DAB1: variants seen among roughly 807,000 people sequenced by gnomAD.
The protein encoded by DAB1 is disabled homolog 1.
A neutral mutation model predicts 64.6 loss-of-function variants in DAB1; 15 were observed. The ratio of observed to expected loss-of-function variants is 0.23; its 90% CI spans 0.16 to 0.36. The LOEUF is 0.36. Ranked by LOEUF, DAB1 falls within the 10% of genes least tolerant of loss-of-function variation. DAB1 has a pLI of 1.00. For synonymous variants in DAB1, 235 were observed against 251.9 expected (o/e 0.93, Z 0.64); for missense variants, 596 against 706.7 (o/e 0.84, Z 1.78).
intron 3 of DAB1, among the ~76,000 whole-genome samples, chr1:58,390,776 T>C (rs1362586002): frequency 2.0e-5 from 3 of 152,178 alleles, no homozygotes; most frequent in Non-Finnish European, 4.4e-5. Flanking sequence ...TTTCTATTGT[T>C]CCTACTTTAT....
At chr1:57,468,940 C>T (rs1209251648) in intron 7 of DAB1, among the ~76,000 whole-genome samples, 1 of 152,178 alleles carries the variant, frequency 6.6e-6, no homozygotes, top group East Asian at 1.9e-4. Flanking sequence ...ATAAGGTCTC[C>T]TGCTCCTGCA....
chr1:57,914,760 T>TA (rs1272207156), intron 5 of DAB1, among the ~76,000 whole-genome samples: 1 of 152,290 alleles, frequency 6.6e-6, no homozygotes. Flanking sequence ...GGTGAATTTG[T>TA]AAAAAATCCA....
intron 6 of DAB1, among the ~76,000 whole-genome samples, chr1:57,794,756 A>G (rs1292440421): frequency 6.6e-6 from 1 of 152,204 alleles, no homozygotes; most frequent in South Asian, 2.1e-4. Flanking sequence ...TCCTGGCACA[A>G]TGTCTGGCTC....
At chr1:58,544,441 A>G (rs1416940068) in intron 1 of DAB1, among the ~76,000 whole-genome samples, 7 of 152,174 alleles carry the variant, frequency 4.6e-5, no homozygotes, top group Admixed American at 4.6e-4. Flanking sequence ...GATACACCAA[A>G]CTATTCACAA....
At chr1:57,769,579 T>C (rs1649467369) in intron 6 of DAB1, among the ~76,000 whole-genome samples, 1 of 152,148 alleles carries the variant, frequency 6.6e-6, no homozygotes, top group African/African-American at 2.4e-5. Flanking sequence ...TTCCTCCCCT[T>C]ACAGGCTTCT....
At chr1:58,049,848 A>G (rs1363625118) in intron 5 of DAB1, among the ~76,000 whole-genome samples, 2 of 152,140 alleles carry the variant, frequency 1.3e-5, no homozygotes, top group Non-Finnish European at 2.9e-5. Context: ...ACAGCAGTGA[A>G]CAAAATAGAA....
At chr1:58,441,273 C>T (rs1645005002) in intron 3 of DAB1, among the ~76,000 whole-genome samples, 1 of 152,216 alleles carries the variant, frequency 6.6e-6, no homozygotes, top group Non-Finnish European at 1.5e-5. Flanking sequence ...AGGTTAAGAA[C>T]TTGCCCTCCG....
rs1291061158 is a variant in DAB1 at position 58,376,581 on chromosome 1, G to T, written n.258-33178C>A. On this transcript the variant is annotated intron_variant and non_coding_transcript_variant, in intron 3 of 20. Coordinates refer to the DAB1 transcript ENST00000485760. ...ATTTCTGTTCGTTTACATTTGCTGA[G>T]GAGAGCTTTACTTCCAACTATGTGG... 8.7e-4 allele frequency among the ~76,000 whole-genome samples: 128 copies of T among 147,580 alleles called. 1 individual carries two copies. In the East Asian group the frequency reaches 0.023, roughly 27 times the overall value.
intron 3 of DAB1, among the ~76,000 whole-genome samples, chr1:58,472,164 T>C (rs114247396): frequency 1.3e-5 from 2 of 152,298 alleles, no homozygotes; most frequent in African/African-American, 2.4e-5. Flanking sequence ...TGCCCTACCT[T>C]GATAGTCATG....
At chr1:57,255,624 ACT>A (rs1669704515) in intron 2 of DAB1, among the ~76,000 whole-genome samples, 1 of 152,176 alleles carries the variant, frequency 6.6e-6, no homozygotes, top group African/African-American at 2.4e-5. Context: ...ACACCACTGC[ACT>A]CCAGCCTGGG....
At chr1:57,069,549 CT>C in intron 7 of DAB1, 124 bp from the exon 8 acceptor site, 1 of 716,216 alleles carries the variant, frequency 1.4e-6, no homozygotes, top group Non-Finnish European at 2.4e-6. Flanking sequence ...GAGAAAACAC[CT>C]TAAAGACACA....
At chr1:57,228,787 GT>G (rs796385367) in intron 2 of DAB1, among the ~76,000 whole-genome samples, 5 of 151,896 alleles carry the variant, frequency 3.3e-5, no homozygotes, top group African/African-American at 1.2e-4. Flanking sequence ...AGTTATTAAA[GT>G]TTTTTTTAAA....
chr1:57,687,604 A>AAAAAAAAAAAAAAAAG (rs1646715209), intron 6 of DAB1, among the ~76,000 whole-genome samples: 1 of 147,692 alleles, frequency 6.8e-6, no homozygotes, highest in African/African-American at 2.5e-5. Context: ...AGAAACAAAA[A>AAAAAAAAAAAAAAAAG]AAAAAAAAAA....
At chr1:57,382,932 A>T (rs1212353470) in intron 1 of DAB1, among the ~76,000 whole-genome samples, 1 of 152,194 alleles carries the variant, frequency 6.6e-6, no homozygotes, top group African/African-American at 2.4e-5. Flanking sequence ...CAAACAGACA[A>T]ACAAAAAAAT....
intron 7 of DAB1, among the ~76,000 whole-genome samples, chr1:57,461,001 G>A (rs1686763285): frequency 6.6e-6 from 1 of 152,160 alleles, no homozygotes; most frequent in South Asian, 2.1e-4. Flanking sequence ...CATCACCTAA[G>A]TATTAAGCCC....
chr1:58,131,242 G>T (rs1653545752), intron 5 of DAB1, among the ~76,000 whole-genome samples: 1 of 143,278 alleles, frequency 7.0e-6, no homozygotes, highest in Admixed American at 7.0e-5. Flanking sequence ...TCTTCCAGTT[G>T]ATCGCATCGG....
chr1:57,014,008 A>G lies in DAB1; in HGVS notation c.1444+875T>C, dbSNP rs943281820. Among the ~76,000 whole-genome samples the G allele has an allele frequency of 3.3e-5, 5 of 152,350 alleles. No individual in the cohort carries two copies. The South Asian group carries it at 6.2e-4, about 19-fold the overall frequency. ...CCAAAGACACAGCTTGTGGTGGAGG[A>G]GTCAACACCAGAACTCTGGTCCAGG... is the stretch of plus-strand genomic sequence containing the variant. On this transcript the variant is annotated intron_variant, in intron 12 of 14. Transcript: ENST00000371236.
At chr1:57,520,305 T>G (rs1644509918) in intron 7 of DAB1, among the ~76,000 whole-genome samples, 1 of 152,230 alleles carries the variant, frequency 6.6e-6, no homozygotes, top group South Asian at 2.1e-4. Flanking sequence ...ACTGTCTCAT[T>G]CTAAACATGT....
chr1:58,481,313 C>T, intron 3 of DAB1: 1 of 390,432 alleles, frequency 2.6e-6, no homozygotes, highest in Admixed American at 4.3e-5. Context: ...TTGATTATAA[C>T]ACATAAAAGA....
Sources: gnomAD v4.1 joint callset for allele counts (sites outside exome capture counted in the v4.1 genomes callset) on GRCh38, gnomAD v4.1.1 for gene constraint, MANE v1.5 for transcripts, NCBI Gene and HGNC (gene_info 2026-07-23, HGNC 2026-07-21) for gene names.